PRKN: variants seen among roughly 807,000 people sequenced by gnomAD.
The protein encoded by PRKN is parkin RBR E3 ubiquitin protein ligase, also known as E3 ubiquitin-protein ligase parkin.
In PRKN, 56 loss-of-function variants were observed where a neutral mutation model predicts 59.5. That is an observed-to-expected ratio of 0.94 (90% CI 0.76 to 1.18). The LOEUF is 1.18. PRKN is among the 50% of genes most tolerant of loss of function. The pLI is 0.00. For synonymous variants in PRKN, 250 were observed against 222.1 expected (o/e 1.13, Z -1.12); for missense variants, 657 against 596.4 (o/e 1.10, Z -1.06).
At chr6:161,375,757 C>T (rs1198967692) in intron 10 of PRKN, among the ~76,000 whole-genome samples, 1 of 152,218 alleles carries the variant, frequency 6.6e-6, no homozygotes, top group African/African-American at 2.4e-5. Flanking sequence ...TGGAAACGCA[C>T]TGCAGAGGGG....
chr6:162,329,556 T>C (rs1783479955), intron 2 of PRKN, among the ~76,000 whole-genome samples: 1 of 152,098 alleles, frequency 6.6e-6, no homozygotes, highest in African/African-American at 2.4e-5. Context: ...TTTTCAGCAT[T>C]TGCAGTACAT....
At chr6:162,692,344 T>C (rs1323566857) in intron 1 of PRKN, among the ~76,000 whole-genome samples, 1 of 152,180 alleles carries the variant, frequency 6.6e-6, no homozygotes, top group Non-Finnish European at 1.5e-5. Context: ...TCCTGGGATA[T>C]AACCTCTAAG....
At chr6:161,367,503 TC>T (rs1283971971) in intron 10 of PRKN, among the ~76,000 whole-genome samples, 6 of 151,422 alleles carry the variant, frequency 4.0e-5, no homozygotes, top group Admixed American at 3.9e-4. Context: ...CAGTATGTGC[TC>T]AAAGGTTATG....
chr6:162,028,020 C>T (rs1331163218), intron 5 of PRKN, among the ~76,000 whole-genome samples: 2 of 151,924 alleles, frequency 1.3e-5, no homozygotes, highest in African/African-American at 4.8e-5. Context: ...ACTCCGAATA[C>T]TGCCTCTGAC....
intron 7 of PRKN, among the ~76,000 whole-genome samples, chr6:161,736,190 A>T (rs1410996558): frequency 6.6e-6 from 1 of 152,174 alleles, no homozygotes; most frequent in Admixed American, 6.5e-5. Context: ...AAAGAACTCA[A>T]AATCTCATGG....
intron 6 of PRKN, among the ~76,000 whole-genome samples, chr6:161,874,949 G>A (rs140942082): frequency 3.7e-5 from 3 of 80,034 alleles, no homozygotes; most frequent in Non-Finnish European, 6.2e-5. Flanking sequence ...ATATATTATA[G>A]GTACTTTATA....
chr6:162,576,369 A>C (rs553611399), intron 1 of PRKN, among the ~76,000 whole-genome samples: 84 of 152,360 alleles, frequency 5.5e-4, no homozygotes, highest in African/African-American at 1.9e-3. Context: ...AGAAAATTTC[A>C]TATTAGGAAG....
At chr6:162,178,052 G>A (rs1225791612) in intron 4 of PRKN, among the ~76,000 whole-genome samples, 1 of 152,172 alleles carries the variant, frequency 6.6e-6, no homozygotes, top group East Asian at 1.9e-4. Context: ...TTCCCCTGTA[G>A]GCTAAGGAGG....
At chr6:162,342,689 A>G (rs1257265056) in intron 2 of PRKN, among the ~76,000 whole-genome samples, 1 of 152,154 alleles carries the variant, frequency 6.6e-6, no homozygotes, top group African/African-American at 2.4e-5. Flanking sequence ...GATTTAAGGC[A>G]CGGCTTCTCT....
At chr6:162,651,353 G>A (rs568148130) in intron 1 of PRKN, among the ~76,000 whole-genome samples, 9 of 152,170 alleles carry the variant, frequency 5.9e-5, no homozygotes, top group African/African-American at 1.9e-4. Context: ...ACACACTTAC[G>A]TGGAACTCTG....
At chr6:162,178,343 T>C (rs1490753563) in intron 4 of PRKN, among the ~76,000 whole-genome samples, 1 of 152,192 alleles carries the variant, frequency 6.6e-6, no homozygotes, top group African/African-American at 2.4e-5. Flanking sequence ...ATGAGCAAAT[T>C]GTAATGGGCC....
chr6:161,656,194 C>T (rs549471593), intron 7 of PRKN, among the ~76,000 whole-genome samples: 1 of 152,188 alleles, frequency 6.6e-6, no homozygotes, highest in Non-Finnish European at 1.5e-5. Context: ...GGTCAAGGAG[C>T]GAAATCCTCA....
intron 1 of PRKN, among the ~76,000 whole-genome samples, chr6:162,522,285 G>A (rs558649921): frequency 2.0e-5 from 3 of 152,062 alleles, no homozygotes; most frequent in Non-Finnish European, 4.4e-5. Flanking sequence ...AACCATGCCC[G>A]GCTAATTTTT....
At chr6:162,070,935 A>G (rs1038113965) in intron 4 of PRKN, among the ~76,000 whole-genome samples, 1 of 152,034 alleles carries the variant, frequency 6.6e-6, no homozygotes, top group Non-Finnish European at 1.5e-5. Flanking sequence ...TGCTTTCTAA[A>G]GGTGACTACC....
chr6:161,726,787 C>T (rs6912086), intron 7 of PRKN, among the ~76,000 whole-genome samples: 5,657 of 152,058 alleles, frequency 0.037, 346 homozygotes, highest in African/African-American at 0.13. Context: ...CCTAGAGGAC[C>T]CTATAGGCCC....
At chr6:161,897,986 T>G (rs1423906157) in intron 6 of PRKN, among the ~76,000 whole-genome samples, 2 of 61,760 alleles carry the variant, frequency 3.2e-5, no homozygotes, top group Admixed American at 1.7e-4. Context: ...AAAAAAAAAG[T>G]CTCCCAGTTG....
At chr6:161,531,750 C>G (rs1779221494) in intron 9 of PRKN, among the ~76,000 whole-genome samples, 1 of 152,132 alleles carries the variant, frequency 6.6e-6, no homozygotes, top group African/African-American at 2.4e-5. Flanking sequence ...TCATGTCAGT[C>G]TTACCAGCAA....
rs1781242194 is a variant in PRKN at position 161,579,080 on chromosome 6, T to C, written c.872-9664A>G. Among the ~76,000 whole-genome samples the C allele has an allele frequency of 6.6e-6, 1 of 152,228 alleles. No homozygotes were observed. Among genetic ancestry groups the C allele is most frequent in the Non-Finnish European group, 1.5e-5 (1 of 68,048 alleles). On this transcript the variant is annotated intron_variant, in intron 7 of 11. Transcript: ENST00000366898. This position sits in a 1 kb window ranked among gnomAD's most constrained non-coding sequence, Gnocchi z 4.2. ...AGAGTGAAAAGGGATCCTTATCCAT[T>C]ATTTTCTTTCTCCTGCTGCTCTCAA...
rs956075939 is a variant in PRKN at position 161,498,235 on chromosome 6, A to G, written c.1083+50619T>C. On this transcript the variant is annotated intron_variant, in intron 9 of 11. Coordinates refer to ENST00000366898, the MANE Select transcript of PRKN (RefSeq NM_004562.3). The surrounding 1 kb of genome is among the most constrained non-coding windows in gnomAD (Gnocchi z 4.2). ...GGGATTTTTATTCAGGCTGCAAATC[A>G]GTATCATGTTATAGAGTGTATTAAT... Among the ~76,000 whole-genome samples the G allele has an allele frequency of 2.0e-5, 3 of 152,360 alleles. No individual in the cohort carries two copies. The South Asian group carries it at 6.2e-4, about 32-fold the overall frequency.
Sources: allele counts gnomAD v4.1 joint callset (sites outside exome capture counted in the v4.1 genomes callset), GRCh38; gene constraint gnomAD v4.1.1; non-coding constraint Gnocchi (gnomAD v3.1); transcripts MANE v1.5; gene names NCBI Gene and HGNC (gene_info 2026-07-23, HGNC 2026-07-21).